SNCAIP: variants seen among roughly 807,000 people sequenced by gnomAD.
SNCAIP encodes synphilin-1.
In SNCAIP, 43 loss-of-function variants were observed where a neutral mutation model predicts 86.7. That is an observed-to-expected ratio of 0.50 (90% CI 0.39 to 0.64). The LOEUF is 0.64. SNCAIP is among the 30% of genes least tolerant of loss of function. The pLI is 0.00. For missense variants in SNCAIP, 981 were observed against 1,103.1 expected, an observed-to-expected ratio of 0.89 and a Z score of 1.57; for synonymous variants, 417 against 427.2, an observed-to-expected ratio of 0.98 and a Z score of 0.29.
At chr5:122,381,050 A>T (rs373125776) in intron 1 of SNCAIP, among the ~76,000 whole-genome samples, 44 of 150,376 alleles carry the variant, frequency 2.9e-4, no homozygotes, top group African/African-American at 1.1e-3. Context: ...GTAGATGTCT[A>T]TTAGGTCCGC....
intron 1 of SNCAIP, among the ~76,000 whole-genome samples, chr5:122,331,002 C>T (rs990249896): frequency 1.3e-5 from 2 of 151,994 alleles, no homozygotes; most frequent in Non-Finnish European, 2.9e-5. Flanking sequence ...AGATCCCTCA[C>T]ATGTGCAGTT....
At chr5:122,377,947 C>T (rs1386823326) in intron 1 of SNCAIP, among the ~76,000 whole-genome samples, 1 of 151,886 alleles carries the variant, frequency 6.6e-6, no homozygotes, top group African/African-American at 2.4e-5. Context: ...CATTGTTGGA[C>T]ATTTGGGTTG....
At chr5:122,318,585 G>A (rs1228212561) in intron 1 of SNCAIP, among the ~76,000 whole-genome samples, 1 of 151,820 alleles carries the variant, frequency 6.6e-6, no homozygotes, top group African/African-American at 2.4e-5. Flanking sequence ...CTTTCTTTAG[G>A]TATATTCTAT....
intron 1 of SNCAIP, among the ~76,000 whole-genome samples, chr5:122,354,180 T>C (rs1211366255): frequency 6.6e-6 from 1 of 152,156 alleles, no homozygotes; most frequent in Non-Finnish European, 1.5e-5. Flanking sequence ...GACATTTGAG[T>C]TTACACTTCC....
rs143034652 is a variant in SNCAIP at position 122,444,504 on chromosome 5, C to G, written c.1423-59C>G. On this transcript the variant is annotated intron_variant, in intron 7 of 10. Transcript: ENST00000261368. ...ATACTATTCAACATTCTGTTACAGT[C>G]ATTAAAAAATAATGTGTACAGAGAT... is the stretch of plus-strand genomic sequence containing the variant. 1,043 of 1,480,268 alleles carry G rather than the reference C, an allele frequency of 7.0e-4. 12 individuals carry two copies. In the African/African-American group the frequency reaches 0.013, roughly 18 times the overall value. The allele number at this position is 1,480,268 out of a possible 1,614,324, so 91.7% of individuals were successfully genotyped here.
intron 1 of SNCAIP, among the ~76,000 whole-genome samples, chr5:122,343,428 A>G (rs945142126): frequency 1.3e-5 from 2 of 152,212 alleles, no homozygotes; most frequent in African/African-American, 4.8e-5. Flanking sequence ...TATTTTAACT[A>G]TAGGATATTT....
At chr5:122,401,800 A>C (rs915062707) in intron 2 of SNCAIP, among the ~76,000 whole-genome samples, 3 of 152,228 alleles carry the variant, frequency 2.0e-5, no homozygotes, top group African/African-American at 7.2e-5. Flanking sequence ...GGTGCTGCTC[A>C]AATGTAAACC....
chr5:122,395,128 A>T (rs1770323865), intron 2 of SNCAIP, among the ~76,000 whole-genome samples: 1 of 152,210 alleles, frequency 6.6e-6, no homozygotes, highest in Admixed American at 6.5e-5. Context: ...GATAGACATT[A>T]TAAATAAGTA....
chr5:122,311,438 G>C (rs917486645), upstream of SNCAIP: 1 of 152,292 alleles, frequency 6.6e-6, no homozygotes, highest in Admixed American at 6.5e-5. Flanking sequence ...GCTTCGGGGG[G>C]AGGGGTGGGG....
At position 122,451,031 on chromosome 5, in the gene SNCAIP, A is replaced by AG; in HGVS notation, c.2189dup (p.Arg731ThrfsTer47). ...TGATTAAGAAACACACCTTGGCATCAGGGGGACGCAGGTTTCCTTTCAGCA... is the reference window on the plus strand; with the variant it reads ...TGATTAAGAAACACACCTTGGCATCAGGGGGGACGCAGGTTTCCTTTCAGCA... On this transcript the variant is annotated frameshift_variant, in exon 10 of 11. Coordinates refer to ENST00000261368, the MANE Select transcript of SNCAIP (RefSeq NM_005460.4). LOFTEE classifies it high-confidence loss of function. The AG allele has an allele frequency of 2.5e-6, 4 of 1,614,196 alleles. No homozygotes were observed. The highest frequency in any genetic ancestry group is 1.7e-6 in the Non-Finnish European group (2 of 1,180,018).
At chr5:122,419,812 A>G (rs1307892797) in intron 3 of SNCAIP, among the ~76,000 whole-genome samples, 1 of 152,234 alleles carries the variant, frequency 6.6e-6, no homozygotes, top group Non-Finnish European at 1.5e-5. Flanking sequence ...TTATATTGCA[A>G]TAAAATAAAA....
At chr5:122,426,669 G>A (rs1777428964) in intron 5 of SNCAIP, among the ~76,000 whole-genome samples, 1 of 152,102 alleles carries the variant, frequency 6.6e-6, no homozygotes, top group African/African-American at 2.4e-5. Flanking sequence ...TTGGTTGTAA[G>A]TGATATGATG....
chr5:122,445,356 C>T (rs548233132), intron 8 of SNCAIP, among the ~76,000 whole-genome samples: 1 of 152,222 alleles, frequency 6.6e-6, no homozygotes, highest in African/African-American at 2.4e-5. Context: ...GGTACCAGTG[C>T]ATGTCTGGGT....
Position 122,450,539 on chromosome 5 carries a change from A to G in SNCAIP, c.1692A>G (p.Pro564=). ...GKSLPSSPSS[P]SSPASRKSQW... ...TCCTTCATCTTCTTTTTAGTTCACCATCCTCACCTGCCTCCAGAAAGTCCC... is the reference window on the plus strand; with the variant it reads ...TCCTTCATCTTCTTTTTAGTTCACCGTCCTCACCTGCCTCCAGAAAGTCCC... The change falls in exon 10 of 11, where the codon CCA becomes CCG. Residue 564 remains proline (P), a synonymous_variant. Transcript: ENST00000261368. The G allele has an allele frequency of 6.2e-7, 1 of 1,612,838 alleles. No homozygotes were observed. The highest frequency in any genetic ancestry group is 8.5e-7 in the Non-Finnish European group (1 of 1,178,822).
rs775915545 is a variant in SNCAIP, at chr5:122,422,877, C to G, written c.140C>G (p.Ser47Cys). The G allele has an allele frequency of 1.9e-6, 3 of 1,613,702 alleles. No homozygotes were observed. The South Asian group carries it at 3.3e-5, about 18-fold the overall frequency. The change falls in exon 4 of 11, where the codon TCT becomes TGT. Residue 47 changes from serine (S) to cysteine (C), a missense_variant. Physicochemically the swap from Ser to Cys is moderately radical, Grantham distance 112. Coordinates refer to ENST00000261368, the MANE Select transcript of SNCAIP (RefSeq NM_005460.4). ...TQNEDRSVSS[S>C]SWNCGISTLI... ...AATTTTTTAAAAACAGTTTCTAGCT[C>G]TAGCTGGAATTGTGGCATCTCAACT...
intron 1 of SNCAIP, among the ~76,000 whole-genome samples, chr5:122,330,250 T>C (rs929213437): frequency 6.7e-5 from 10 of 150,010 alleles, no homozygotes; most frequent in African/African-American, 2.5e-4. Context: ...GCCTCCCAAG[T>C]AGCTGGGACT....
intron 1 of SNCAIP, among the ~76,000 whole-genome samples, chr5:122,354,746 A>C (rs1048339193): frequency 4.6e-5 from 7 of 152,216 alleles, no homozygotes; most frequent in African/African-American, 1.7e-4. Flanking sequence ...TAAATGAAAC[A>C]TCCCTTTTAA....
At chr5:122,316,769 A>G (rs560786164) in intron 1 of SNCAIP, among the ~76,000 whole-genome samples, 1 of 152,328 alleles carries the variant, frequency 6.6e-6, no homozygotes, top group Admixed American at 6.5e-5. Flanking sequence ...AAGCTCATGC[A>G]AGGTGCTGTT....
At chr5:122,404,077 G>T (rs889178513) in intron 3 of SNCAIP, among the ~76,000 whole-genome samples, 3 of 152,122 alleles carry the variant, frequency 2.0e-5, no homozygotes, top group African/African-American at 4.8e-5. Flanking sequence ...AGGCCCTAAT[G>T]AGGACTCAGC....
Sources: allele counts gnomAD v4.1 joint callset (sites outside exome capture counted in the v4.1 genomes callset), GRCh38; gene constraint gnomAD v4.1.1; transcripts MANE v1.5; gene names NCBI Gene and HGNC (gene_info 2026-07-23, HGNC 2026-07-21).